Variants in AKIP1 observed in about 807,000 individuals in gnomAD.
AKIP1 encodes the protein A-kinase interacting protein 1.
In AKIP1, 18 loss-of-function variants were observed where a neutral mutation model predicts 22.3. The ratio of observed to expected loss-of-function variants is 0.81; its 90% CI spans 0.56 to 1.19. AKIP1 has a LOEUF of 1.19. Ranked by LOEUF, AKIP1 falls within the 50% of genes most tolerant of loss-of-function variation. The pLI, the probability that AKIP1 is intolerant of heterozygous loss-of-function variation, is 0.00. For synonymous variants in AKIP1, 120 were observed against 102.7 expected (o/e 1.17, Z -1.02); for missense variants, 287 against 264.6 (o/e 1.08, Z -0.59).
At chr11:8,918,948 A>G (rs902524174) in intron 5 of AKIP1, among the ~76,000 whole-genome samples, 2 of 152,242 alleles carry the variant, frequency 1.3e-5, no homozygotes, top group Non-Finnish European at 2.9e-5. Context: ...ACTCCCGAGT[A>G]CCTTGTCATT....
chr11:8,912,395 T>A, intron 2 of AKIP1, 58 bp from the exon 3 acceptor site: 1 of 1,445,588 alleles, frequency 6.9e-7, no homozygotes, highest in Non-Finnish European at 9.7e-7. Context: ...CCAAAATGGC[T>A]TCATTCTCCA....
intron 4 of AKIP1, 95 bp downstream of exon 4, chr11:8,915,025 T>C: frequency 2.2e-6 from 2 of 917,144 alleles, no homozygotes; most frequent in East Asian, 2.5e-5. Flanking sequence ...TGTCACTGGA[T>C]GCCCGTGTGA....
chr11:8,917,297 GA>G lies in AKIP1; in HGVS notation c.425del (p.Lys142ArgfsTer32), dbSNP rs1308431992. The G allele has an allele frequency of 6.2e-7, 1 of 1,607,574 alleles. No homozygotes were observed. Among genetic ancestry groups the G allele is most frequent in the Non-Finnish European group, 8.5e-7 (1 of 1,176,422 alleles). On this transcript the variant is annotated frameshift_variant, in exon 5 of 6. Coordinates refer to ENST00000309377, the MANE Select transcript of AKIP1 (RefSeq NM_020642.4). LOFTEE classifies it high-confidence loss of function. The part of the protein sequence containing the change: ...LDIGNGQRKD[R>X]KKTSLGPGGS... ...TACTTGTCTCTTCAGAGAAAAGACA[GA>G]AAAAAGACATCCCTTGGTCCTGGAG...
In AKIP1 at chr11:8,919,579, T is replaced by A. The variant is rs1324107161; in HGVS notation, c.*99T>A. On this transcript the variant is annotated 3_prime_UTR_variant, in exon 6 of 6. Coordinates refer to ENST00000309377, the MANE Select transcript of AKIP1 (RefSeq NM_020642.4). Reference sequence around the variant, plus strand: ...AGCTATACATTAATCCTGTTTTTAGTGCTGACTGGGTCAGCCTTCCGGGAA... The same window carrying A: ...AGCTATACATTAATCCTGTTTTTAGAGCTGACTGGGTCAGCCTTCCGGGAA... The A allele has an allele frequency of 7.4e-7, 1 of 1,355,372 alleles. No homozygotes were observed. Among genetic ancestry groups the A allele is most frequent in the Non-Finnish European group, 1.0e-6 (1 of 985,200 alleles). The allele number at this position is 1,355,372 out of a possible 1,614,324, so 84.0% of individuals were successfully genotyped here.
Position 8,911,632 on chromosome 11 carries a change from A to ACAGCCGGCAGC in AKIP1, c.185_195dup (p.Gly66SerfsTer71), listed in dbSNP as rs1433534525. 1.3e-6 allele frequency: 2 copies of ACAGCCGGCAGC among 1,587,574 alleles called. No individual in the cohort carries two copies. ...CCCGGGAGGCGCCCCACCTAGAGAAACAGCCGGCAGCCGGCCCGCAGCGCG... is the reference window on the plus strand; with the variant it reads ...CCCGGGAGGCGCCCCACCTAGAGAAACAGCCGGCAGCCAGCCGGCAGCCGGCCCGCAGCGCG... On this transcript the variant is annotated frameshift_variant, in exon 2 of 6. Transcript: ENST00000309377. LOFTEE classifies it high-confidence loss of function.
At chr11:8,917,628 C>T in intron 5 of AKIP1, 1 of 512,976 alleles carries the variant, frequency 1.9e-6, no homozygotes, top group Non-Finnish European at 3.5e-6. Flanking sequence ...AAGTATTCAC[C>T]TCTCAGTTCC....
chr11:8,918,987 C>A (rs1343371403), intron 5 of AKIP1, among the ~76,000 whole-genome samples: 1 of 152,262 alleles, frequency 6.6e-6, no homozygotes, highest in Non-Finnish European at 1.5e-5. Context: ...GTGCCACTGT[C>A]TACTTCTGAT....
chr11:8,913,556 G>A (rs999026480), intron 3 of AKIP1, among the ~76,000 whole-genome samples: 1 of 152,216 alleles, frequency 6.6e-6, no homozygotes, highest in African/African-American at 2.4e-5. Flanking sequence ...TTACCTGCAT[G>A]GAAGGCACTG....
At position 8,914,842 on chromosome 11, in the gene AKIP1, T is replaced by C. The variant is rs1328558601; in HGVS notation, c.320T>C (p.Val107Ala). 1 of 1,611,716 alleles carries C rather than the reference T, an allele frequency of 6.2e-7. No individual in the cohort carries two copies. The highest frequency in any genetic ancestry group is 8.5e-7 in the Non-Finnish European group (1 of 1,177,908). The change falls in exon 4 of 6, where the codon GTG becomes GCG. Residue 107 changes from valine (V) to alanine (A), a missense_variant. Transcript: ENST00000309377. ...SSQCGKYYSS[V>A]PEEGGATHVY... ...CGTCTCTAGAAATATTATTCATCTG[T>C]GCCAGAGGAAGGAGGGGCAACCCAT...
intron 4 of AKIP1, among the ~76,000 whole-genome samples, chr11:8,916,426 A>G (rs2064486713): frequency 6.6e-6 from 1 of 152,170 alleles, no homozygotes; most frequent in African/African-American, 2.4e-5. Flanking sequence ...TATTGAACTG[A>G]TTCAAAGGAG....
Position 8,912,458 on chromosome 11 carries a change from A to G in AKIP1, c.228A>G (p.Glu76=). 1 of 1,613,746 alleles carries G rather than the reference A, an allele frequency of 6.2e-7. No individual in the cohort carries two copies. Among genetic ancestry groups the G allele is most frequent in the South Asian group, 1.1e-5 (1 of 91,072 alleles). ...GPQRVLPGER[E]ERPPTLSASF... is the part of the protein sequence containing the mutation. ...CGTGCCATTTATTCAAATAGAGAGAAGAGAGACCCCCAACCCTTAGTGCTT... is the reference window on the plus strand; with the variant it reads ...CGTGCCATTTATTCAAATAGAGAGAGGAGAGACCCCCAACCCTTAGTGCTT... The change falls in exon 3 of 6, where the codon GAA becomes GAG. Residue 76 remains glutamate (E), a synonymous_variant. Transcript: ENST00000309377.
chr11:8,911,399 G>C, intron 1 of AKIP1, 45 bp from the exon 2 acceptor site: 2 of 1,504,028 alleles, frequency 1.3e-6, no homozygotes, highest in South Asian at 1.3e-5. Flanking sequence ...GGGTCGCCGC[G>C]GCCCAGCTGA....
rs2064505687 is a variant in AKIP1 at position 8,917,555 on chromosome 11, T to G, written c.489+188T>G. On this transcript the variant is annotated intron_variant, in intron 5 of 5. Transcript: ENST00000309377. ...ATTAGGTTTTCTTGGTATTCTTCCT[T>G]CACTCTAAGCTTCAGGGATACTCTT... 3 of 613,870 alleles carry G rather than the reference T, an allele frequency of 4.9e-6. No homozygotes were observed. In the South Asian group the frequency reaches 5.9e-5, roughly 12 times the overall value. The allele number at this position is 613,870 out of a possible 1,614,324, so 38.0% of individuals were successfully genotyped here.
At chr11:8,917,554 T>C (rs1367564637) in intron 5 of AKIP1, 187 bp downstream of exon 5, 1 of 614,012 alleles carries the variant, frequency 1.6e-6, no homozygotes, top group Non-Finnish European at 3.0e-6. Flanking sequence ...GTATTCTTCC[T>C]TCACTCTAAG....
At chr11:8,911,408 G>C (rs754876313) in intron 1 of AKIP1, 36 bp from the exon 2 acceptor site, 1 of 1,525,080 alleles carries the variant, frequency 6.6e-7, no homozygotes, top group Non-Finnish European at 8.8e-7. Context: ...CGGCCCAGCT[G>C]ACCCGCCGGC....
chr11:8,914,986 C>T lies in AKIP1; in HGVS notation c.408+56C>T. ...CTTCAGTCTACCAAGATATGACACC[C>T]TATATTCAAGAGCCCCTGCTAGACT... On this transcript the variant is annotated intron_variant, in intron 4 of 5. Coordinates refer to ENST00000309377, the MANE Select transcript of AKIP1 (RefSeq NM_020642.4). 4 of 1,384,788 alleles carry T rather than the reference C, an allele frequency of 2.9e-6. 1 individual carries two copies. In the South Asian group the frequency reaches 3.7e-5, roughly 13 times the overall value. 85.8% of individuals were successfully genotyped at this position (1,384,788 alleles called of 1,614,324 possible).
intron 3 of AKIP1, among the ~76,000 whole-genome samples, chr11:8,912,871 C>CTTTTTTTTTTTTTT (rs71059196): frequency 6.5e-5 from 6 of 92,970 alleles, no homozygotes; most frequent in Non-Finnish European, 9.5e-5. Context: ...TTTTTTTTAA[C>CTTTTTTTTTTTTTT]TTTTTTTTTT....
Position 8,913,125 on chromosome 11 carries a change from C to T in AKIP1, c.303+592C>T, listed in dbSNP as rs375634784. Among the ~76,000 whole-genome samples, 11 of 150,802 alleles carry T rather than the reference C, an allele frequency of 7.3e-5. No homozygotes were observed. The East Asian group carries it at 2.0e-3, about 27-fold the overall frequency. On this transcript the variant is annotated intron_variant, in intron 3 of 5. Transcript: ENST00000309377. ...CCATCTCCTGACCTCGTGATCCGCC[C>T]GCCTCAGCCTCCCAAAGTGCTGGGA... is the stretch of plus-strand genomic sequence containing the variant.
At chr11:8,912,828 G>A (rs546472984) in intron 3 of AKIP1, among the ~76,000 whole-genome samples, 1 of 149,142 alleles carries the variant, frequency 6.7e-6, no homozygotes, top group South Asian at 2.1e-4. Context: ...CTTATTTGCC[G>A]AATTTCATAG....
Sources: gnomAD v4.1 joint callset for allele counts (sites outside exome capture counted in the v4.1 genomes callset) on GRCh38, gnomAD v4.1.1 for gene constraint, MANE v1.5 for transcripts, NCBI Gene and HGNC (gene_info 2026-07-23, HGNC 2026-07-21) for gene names.